The following BCAS3 variants were observed in gnomAD, a reference collection of about 807,000 sequenced individuals.
BCAS3 encodes the protein BCAS3 microtubule associated cell migration factor, also known as BCAS4/BCAS3 fusion.
A neutral mutation model predicts 116.1 loss-of-function variants in BCAS3; 53 were observed. The ratio of observed to expected loss-of-function variants is 0.46; its 90% CI spans 0.37 to 0.57. BCAS3 has a LOEUF of 0.57. BCAS3 is among the 20% of genes least tolerant of loss of function. BCAS3 has a pLI of 0.00. For missense variants in BCAS3, 917 were observed against 1,165.4 expected, an observed-to-expected ratio of 0.79 and a Z score of 3.10; for synonymous variants, 391 against 408.2, an observed-to-expected ratio of 0.96 and a Z score of 0.51.
At chr17:60,748,786 TA>T (rs533007575) in intron 6 of BCAS3, among the ~76,000 whole-genome samples, 3 of 152,120 alleles carry the variant, frequency 2.0e-5, no homozygotes, top group Non-Finnish European at 2.9e-5. Context: ...ACTTTCCTCT[TA>T]AAAAAAGATT....
intron 7 of BCAS3, among the ~76,000 whole-genome samples, chr17:60,818,319 G>A (rs1473767404): frequency 1.3e-5 from 2 of 152,204 alleles, no homozygotes; most frequent in Non-Finnish European, 2.9e-5. Flanking sequence ...TCATGGAGTG[G>A]TATGTGGAAA....
chr17:60,892,675 C>A (rs1018177813), intron 10 of BCAS3, among the ~76,000 whole-genome samples: 2 of 151,858 alleles, frequency 1.3e-5, no homozygotes, highest in Non-Finnish European at 2.9e-5. Flanking sequence ...AATCCCAGCA[C>A]TTTGAGAGGC....
At chr17:61,079,955 G>A (rs987875403) in intron 21 of BCAS3, among the ~76,000 whole-genome samples, 1 of 143,902 alleles carries the variant, frequency 6.9e-6, no homozygotes, top group Non-Finnish European at 1.5e-5. Flanking sequence ...GCTGTGGTGC[G>A]ATCTCAGTTC....
chr17:60,726,573 G>A (rs1456841109), intron 5 of BCAS3, among the ~76,000 whole-genome samples: 43 of 149,914 alleles, frequency 2.9e-4, no homozygotes, highest in Admixed American at 1.3e-3. Flanking sequence ...GCAATGGTGC[G>A]ATCTCAGCTC....
chr17:60,899,240 C>T (rs1192098308), intron 10 of BCAS3, among the ~76,000 whole-genome samples: 1 of 152,000 alleles, frequency 6.6e-6, no homozygotes, highest in South Asian at 2.1e-4. Flanking sequence ...TTTCACACCC[C>T]AGTCCCAGTG....
At chr17:61,175,535 A>G (rs998202290) in intron 22 of BCAS3, among the ~76,000 whole-genome samples, 4 of 152,244 alleles carry the variant, frequency 2.6e-5, no homozygotes, top group Non-Finnish European at 4.4e-5. Flanking sequence ...AGCAAAACAT[A>G]TGTCACCAAT....
chr17:61,069,112 A>C (rs2071040356), intron 19 of BCAS3, among the ~76,000 whole-genome samples: 1 of 152,156 alleles, frequency 6.6e-6, no homozygotes, highest in African/African-American at 2.4e-5. Context: ...CAAAAAACCA[A>C]AGAAGTGACT....
chr17:60,826,236 C>T (rs1019846413), intron 7 of BCAS3, among the ~76,000 whole-genome samples: 4 of 151,638 alleles, frequency 2.6e-5, no homozygotes, highest in African/African-American at 4.8e-5. Context: ...CAGGCTGGAG[C>T]GCAGCGGTGT....
chr17:61,318,802 T>G (rs2054954150), intron 22 of BCAS3, among the ~76,000 whole-genome samples: 1 of 152,212 alleles, frequency 6.6e-6, no homozygotes, highest in Non-Finnish European at 1.5e-5. Context: ...AAATGTTAAC[T>G]GTAATTTCTC....
In BCAS3 at chr17:61,034,696, C is replaced by G. The variant is rs781255714; in HGVS notation, c.1668C>G (p.Pro556=). The change falls in exon 17 of 24, where the codon CCC becomes CCG. Residue 556 remains proline, a synonymous_variant. Coordinates refer to ENST00000407086, the MANE Select transcript of BCAS3 (RefSeq NM_017679.5). This position sits in a 1 kb window ranked among gnomAD's most constrained non-coding sequence, Gnocchi z 5.0. ...GKVKPPPQIS[P]SKSMGGEFCV... Reference sequence around the variant, plus strand: ...TTAAACCTCCTCCACAAATTTCACCCAGCAAATCGATGGGCGGAGAATTTT... The same window carrying G: ...TTAAACCTCCTCCACAAATTTCACCGAGCAAATCGATGGGCGGAGAATTTT... 1 of 1,610,734 alleles carries G rather than the reference C, an allele frequency of 6.2e-7. No homozygotes were observed. Among genetic ancestry groups the G allele is most frequent in the Admixed American group, 1.7e-5 (1 of 59,740 alleles).
chr17:61,003,398 C>T (rs1218727877), intron 15 of BCAS3, among the ~76,000 whole-genome samples: 1 of 139,522 alleles, frequency 7.2e-6, no homozygotes, highest in African/African-American at 2.6e-5. Context: ...CCCTCCCCTC[C>T]CCTCCCCTTC....
chr17:61,001,775 T>C (rs192034294), intron 15 of BCAS3, among the ~76,000 whole-genome samples: 44 of 152,318 alleles, frequency 2.9e-4, no homozygotes, highest in African/African-American at 9.6e-4. Flanking sequence ...ATTTAAAGTT[T>C]TCCTGGTGAA....
intron 5 of BCAS3, among the ~76,000 whole-genome samples, chr17:60,735,838 A>T (rs2040901434): frequency 6.6e-6 from 1 of 151,868 alleles, no homozygotes; most frequent in African/African-American, 2.4e-5. Flanking sequence ...TTTTTTCATA[A>T]ATAGGTGTTG....
chr17:60,800,552 C>T (rs543163827), intron 6 of BCAS3, among the ~76,000 whole-genome samples: 3 of 152,242 alleles, frequency 2.0e-5, no homozygotes, highest in Admixed American at 6.5e-5. Context: ...TGCTTTCATT[C>T]TTCTATCATG....
In BCAS3 at chr17:60,771,776, C is replaced by T. The variant is rs917324614; in HGVS notation, c.403+24497C>T. Among the ~76,000 whole-genome samples the T allele has an allele frequency of 4.6e-5, 7 of 152,024 alleles. No individual in the cohort carries two copies. The South Asian group carries it at 1.2e-3, about 27-fold the overall frequency. ...GTCCAAGTGTTCTCATTGTTCAGTTCCCAACTATGAGTGAGAACATGCAGT... is the reference window on the plus strand; with the variant it reads ...GTCCAAGTGTTCTCATTGTTCAGTTTCCAACTATGAGTGAGAACATGCAGT... On this transcript the variant is annotated intron_variant, in intron 6 of 23. Transcript: ENST00000407086.
rs2066709257 is a variant in BCAS3, at chr17:61,032,372, C to A, written c.1638-2294C>A. Among the ~76,000 whole-genome samples the A allele has an allele frequency of 6.6e-6, 1 of 152,066 alleles. No homozygotes were observed. Among genetic ancestry groups the A allele is most frequent in the African/African-American group, 2.4e-5 (1 of 41,420 alleles). On this transcript the variant is annotated intron_variant, in intron 16 of 23. Coordinates refer to ENST00000407086, the MANE Select transcript of BCAS3 (RefSeq NM_017679.5). The surrounding 1 kb of genome is among the most constrained non-coding windows in gnomAD (Gnocchi z 4.6). ...TAGTCGCACAATTGCAAACTGCTTTCAAAAAATTCTACAATACTTTTCTCT... is the reference window on the plus strand; with the variant it reads ...TAGTCGCACAATTGCAAACTGCTTTAAAAAAATTCTACAATACTTTTCTCT...
intron 6 of BCAS3, among the ~76,000 whole-genome samples, chr17:60,791,252 A>G (rs2046745531): frequency 6.6e-6 from 1 of 152,204 alleles, no homozygotes; most frequent in African/African-American, 2.4e-5. Context: ...ACAGTTAAAA[A>G]GTATTAGTTA....
rs7210369 is a variant in BCAS3, at chr17:61,184,380, C to G, written c.2425+99816C>G. On this transcript the variant is annotated intron_variant, in intron 22 of 23. Transcript: ENST00000407086. ...CAAAAAAAAGACATGAAGAGTTGCT[C>G]TGTCATTAGTCATTGGGGAAATGAT... Among the ~76,000 whole-genome samples, 290 of 152,116 alleles carry G rather than the reference C, an allele frequency of 1.9e-3. 2 individuals are homozygous for G. Among genetic ancestry groups the G allele is most frequent in the African/African-American group, 6.8e-3 (282 of 41,518 alleles).
intron 14 of BCAS3, among the ~76,000 whole-genome samples, chr17:60,948,917 C>T (rs890446114): frequency 1.3e-5 from 2 of 151,414 alleles, no homozygotes; most frequent in African/African-American, 4.9e-5. Flanking sequence ...TGCTCTGTTG[C>T]CCAGACTGGA....
Sources: gnomAD v4.1 joint callset for allele counts (sites outside exome capture counted in the v4.1 genomes callset) on GRCh38, gnomAD v4.1.1 for gene constraint, Gnocchi (gnomAD v3.1) non-coding constraint, MANE v1.5 for transcripts, NCBI Gene and HGNC (gene_info 2026-07-23, HGNC 2026-07-21) for gene names.